The following OCA2 variants were observed in gnomAD, a reference collection of about 807,000 sequenced individuals.
OCA2 encodes OCA2 melanosomal transmembrane protein.
In OCA2, 77 loss-of-function variants were observed where a neutral mutation model predicts 100.2. The ratio of observed to expected loss-of-function variants is 0.77; its 90% CI spans 0.64 to 0.93. The LOEUF (loss-of-function observed/expected upper bound fraction) is 0.93. OCA2 is among the 40% of genes least tolerant of loss of function. The probability of loss-of-function intolerance (pLI) is 0.00; values close to 1 mark genes in which losing one functional copy is unlikely to be tolerated. For synonymous variants in OCA2, 432 were observed against 439.2 expected, an observed-to-expected ratio of 0.98 and a Z score of 0.21; for missense variants, 1,062 against 1,089.1, an observed-to-expected ratio of 0.98 and a Z score of 0.35.
intron 19 of OCA2, among the ~76,000 whole-genome samples, chr15:27,876,965 A>C (rs1231110217): frequency 1.3e-5 from 2 of 151,846 alleles, no homozygotes; most frequent in Non-Finnish European, 2.9e-5. Flanking sequence ...AGCTTCTTAG[A>C]GTAGAACATT....
At chr15:27,722,007 T>C in the OCA2 span, among the ~76,000 whole-genome samples, 1 of 152,212 alleles carries the variant, frequency 6.6e-6, no homozygotes, top group Non-Finnish European at 1.5e-5. Context: ...GCAAGATCTG[T>C]GCTATAATAA....
At chr15:27,909,323 T>C (rs959054562) in intron 19 of OCA2, among the ~76,000 whole-genome samples, 3 of 152,220 alleles carry the variant, frequency 2.0e-5, no homozygotes, top group African/African-American at 7.2e-5. Context: ...ATGACAGCTA[T>C]TGCCACATTA....
intron 19 of OCA2, among the ~76,000 whole-genome samples, chr15:27,879,137 G>T (rs113162165): frequency 1.3e-5 from 2 of 152,064 alleles, no homozygotes; most frequent in African/African-American, 4.8e-5. Context: ...CTAACTTGCC[G>T]AGGATAACAG....
At position 27,955,158 on chromosome 15, in the gene OCA2, C is replaced by A; in HGVS notation, c.1842G>T (p.Lys614Asn). 1 of 1,608,388 alleles carries A rather than the reference C, an allele frequency of 6.2e-7. No homozygotes were observed. Among genetic ancestry groups the A allele is most frequent in the South Asian group, 1.1e-5 (1 of 90,962 alleles). ...WETNIQELQKKHRISDGILLA... is the reference protein window; with the variant it reads ...WETNIQELQKNHRISDGILLA... ...TCCCTGAGGAAAGAAAGCTGGGTAC[C>A]TTTTTTTGGAGTTCTTGGATATTGG... Residue 614 changes from lysine (K) to asparagine (N), a missense_variant and splice_region_variant, in exon 17 of 24, where the codon AAG (lysine) becomes AAT (asparagine). Lys to Asn is a moderately conservative substitution (Grantham distance 94). Coordinates refer to ENST00000354638, the MANE Select transcript of OCA2 (RefSeq NM_000275.3).
the OCA2 span, among the ~76,000 whole-genome samples, chr15:27,749,181 G>GA: frequency 6.6e-6 from 1 of 152,004 alleles, no homozygotes; most frequent in South Asian, 2.1e-4. Flanking sequence ...TCAAATCCCT[G>GA]AAATTAAATA....
At chr15:27,971,990 T>A (rs2040807472) in intron 14 of OCA2, among the ~76,000 whole-genome samples, 1 of 152,212 alleles carries the variant, frequency 6.6e-6, no homozygotes, top group African/African-American at 2.4e-5. Flanking sequence ...CCCCTCTTCC[T>A]AGTCTCCAAT....
At chr15:28,073,705 T>C (rs561115227) in intron 2 of OCA2, among the ~76,000 whole-genome samples, 1 of 152,290 alleles carries the variant, frequency 6.6e-6, no homozygotes, top group South Asian at 2.1e-4. Flanking sequence ...CATCACATAA[T>C]ATTCTCATGT....
the OCA2 span, among the ~76,000 whole-genome samples, chr15:27,730,755 A>G: frequency 4.7e-5 from 5 of 105,930 alleles, no homozygotes; most frequent in African/African-American, 3.9e-4. Flanking sequence ...ATATATATAT[A>G]TATATATATA....
intron 23 of OCA2, among the ~76,000 whole-genome samples, chr15:27,837,829 G>A (rs1275994139): frequency 1.3e-5 from 2 of 149,490 alleles, no homozygotes; most frequent in African/African-American, 2.5e-5. Context: ...GGGGGGAAAT[G>A]CAGAATCCTG....
intron 17 of OCA2, among the ~76,000 whole-genome samples, chr15:27,952,591 T>C (rs992369114): frequency 6.6e-6 from 1 of 152,264 alleles, no homozygotes; most frequent in African/African-American, 2.4e-5. Context: ...CCCGTGTGAA[T>C]GCCGGCCCAC....
intron 19 of OCA2, among the ~76,000 whole-genome samples, chr15:27,891,455 T>C (rs1013964554): frequency 3.3e-5 from 5 of 152,230 alleles, no homozygotes; most frequent in African/African-American, 4.8e-5. Flanking sequence ...CCATGGGGAA[T>C]TGGTTCCAGG....
At chr15:28,052,591 C>G (rs561777808) in intron 2 of OCA2, among the ~76,000 whole-genome samples, 4 of 152,158 alleles carry the variant, frequency 2.6e-5, no homozygotes, top group African/African-American at 9.6e-5. Context: ...AGAATAAATC[C>G]ATAAACCCCC....
chr15:27,720,790 T>A, the OCA2 span, among the ~76,000 whole-genome samples: 1 of 152,084 alleles, frequency 6.6e-6, no homozygotes, highest in South Asian at 2.1e-4. Context: ...CATACATGAG[T>A]TTATTATACA....
chr15:28,071,345 AAAGC>A (rs2044255033), intron 2 of OCA2, among the ~76,000 whole-genome samples: 1 of 152,238 alleles, frequency 6.6e-6, no homozygotes, highest in African/African-American at 2.4e-5. Flanking sequence ...CATACTGCCC[AAAGC>A]AATGTACAGA....
chr15:27,957,570 C>G lies in OCA2; in HGVS notation c.1784+18G>C. ...TGCTGCACACCAAGCACAGTCTGAG[C>G]AGGACCCCGCCCGGTACCTGTGGAA... On this transcript the variant is annotated intron_variant, in intron 16 of 23. Coordinates refer to ENST00000354638, the MANE Select transcript of OCA2 (RefSeq NM_000275.3). This position sits in a 1 kb window ranked among gnomAD's most constrained non-coding sequence, Gnocchi z 4.3. 6.2e-7 allele frequency: 1 copy of G among 1,611,668 alleles called. No homozygotes were observed. The highest frequency in any genetic ancestry group is 8.5e-7 in the Non-Finnish European group (1 of 1,179,766).
chr15:27,943,244 C>G (rs968986709), intron 18 of OCA2, among the ~76,000 whole-genome samples: 56 of 152,148 alleles, frequency 3.7e-4, no homozygotes, highest in African/African-American at 1.3e-3. Flanking sequence ...CACTGTACCC[C>G]ACTCCCTTTG....
the OCA2 span, among the ~76,000 whole-genome samples, chr15:27,727,029 C>T: frequency 1.3e-5 from 2 of 152,296 alleles, no homozygotes; most frequent in South Asian, 4.1e-4. Context: ...GCTTGTGATG[C>T]GAGTTATGTT....
chr15:27,806,533 G>A (rs1443160595), intron 23 of OCA2, among the ~76,000 whole-genome samples: 1 of 152,098 alleles, frequency 6.6e-6, no homozygotes, highest in South Asian at 2.1e-4. Context: ...AGACCCCGGA[G>A]CTCAGAAGGG....
intron 7 of OCA2, 107 bp downstream of exon 7, chr15:28,018,290 G>A: frequency 2.0e-6 from 2 of 1,006,984 alleles, no homozygotes; most frequent in Admixed American, 1.8e-5. Flanking sequence ...ACTAAGAATG[G>A]TGTCCTCGCC....
Sources: gnomAD v4.1 joint callset for allele counts (sites outside exome capture counted in the v4.1 genomes callset) on GRCh38, gnomAD v4.1.1 for gene constraint, Gnocchi (gnomAD v3.1) non-coding constraint, MANE v1.5 for transcripts, NCBI Gene and HGNC (gene_info 2026-07-23, HGNC 2026-07-21) for gene names.